SIM1: variants seen among roughly 807,000 people sequenced by gnomAD.
SIM1 encodes SIM bHLH transcription factor 1, also known as single-minded homolog 1.
SIM1 carries 18 observed loss-of-function variants against 78.2 expected under a neutral mutation model. That is an observed-to-expected ratio of 0.23 (90% confidence interval 0.16 to 0.34). SIM1 has a LOEUF of 0.34. Ranked by LOEUF, SIM1 falls within the 10% of genes least tolerant of loss-of-function variation. The pLI, the probability that SIM1 is intolerant of heterozygous loss-of-function variation, is 1.00. For missense variants in SIM1, 939 were observed against 975.1 expected, an observed-to-expected ratio of 0.96 and a Z score of 0.49; for synonymous variants, 417 against 385.2, an observed-to-expected ratio of 1.08 and a Z score of -0.97.
chr6:100,450,511 G>T (rs371679159), intron 3 of SIM1, among the ~76,000 whole-genome samples, 155 bp from the exon 4 acceptor site: 2 of 152,194 alleles, frequency 1.3e-5, no homozygotes, highest in East Asian at 3.8e-4. Flanking sequence ...CTAGCCACAT[G>T]AGCCCTTTTG....
At chr6:100,445,416 G>C (rs992840989) in intron 9 of SIM1, among the ~76,000 whole-genome samples, 2 of 152,096 alleles carry the variant, frequency 1.3e-5, no homozygotes, top group Non-Finnish European at 2.9e-5. Context: ...TGTGCACCAT[G>C]CTCTTTTTCC....
chr6:100,402,654 G>T (rs372126970), intron 10 of SIM1, among the ~76,000 whole-genome samples: 10 of 134,012 alleles, frequency 7.5e-5, no homozygotes, highest in Admixed American at 2.6e-4. Context: ...CTCGGCTCAC[G>T]GCAAGCTCCG....
chr6:100,447,532 G>C, intron 8 of SIM1, 117 bp from the exon 9 acceptor site: 1 of 1,127,240 alleles, frequency 8.9e-7, no homozygotes. Context: ...ACTGCACCAG[G>C]CAGGAGAGAG....
At chr6:100,434,911 C>T (rs1456445289) in intron 9 of SIM1, among the ~76,000 whole-genome samples, 1 of 152,170 alleles carries the variant, frequency 6.6e-6, no homozygotes, top group African/African-American at 2.4e-5. Context: ...GGGAAGGATC[C>T]ATTCACAGGC....
chr6:100,446,393 G>T (rs948508033), intron 9 of SIM1, among the ~76,000 whole-genome samples: 10 of 152,106 alleles, frequency 6.6e-5, no homozygotes, highest in African/African-American at 2.2e-4. Context: ...AAAATCACAA[G>T]AATTTCAACC....
chr6:100,420,679 T>A (rs1771553605), intron 10 of SIM1, 111 bp downstream of exon 10: 6 of 1,014,118 alleles, frequency 5.9e-6, no homozygotes, highest in Non-Finnish European at 8.9e-6. Flanking sequence ...TATAGAAGTT[T>A]TAGTTATTAA....
intron 11 of SIM1, among the ~76,000 whole-genome samples, chr6:100,392,377 G>C (rs1034007967): frequency 3.9e-5 from 6 of 152,214 alleles, no homozygotes; most frequent in African/African-American, 1.4e-4. Flanking sequence ...TAATGCAGCA[G>C]AGAAAGCCTG....
rs151307461 is a variant in SIM1 at position 100,429,174 on chromosome 6, A to G, written c.999-8216T>C. ...ACTTGAGGTCAGGAGTTTGAGACCA[A>G]TTTGGCCAACATGGTGAAACCCCAT... is the stretch of plus-strand genomic sequence containing the variant. On this transcript the variant is annotated intron_variant, in intron 9 of 11. Coordinates refer to ENST00000369208, the MANE Select transcript of SIM1 (RefSeq NM_005068.3). Among the ~76,000 whole-genome samples, 59 of 152,190 alleles carry G rather than the reference A, an allele frequency of 3.9e-4. 1 individual carries two copies. In the East Asian group the frequency reaches 0.011, roughly 28 times the overall value.
intron 9 of SIM1, among the ~76,000 whole-genome samples, chr6:100,440,001 T>C (rs984626266): frequency 2.0e-5 from 3 of 152,026 alleles, no homozygotes; most frequent in Non-Finnish European, 2.9e-5. Flanking sequence ...GAAGAGAAAA[T>C]AAACACCTAA....
intron 10 of SIM1, among the ~76,000 whole-genome samples, chr6:100,411,062 G>A (rs1045318252): frequency 2.6e-5 from 4 of 152,166 alleles, no homozygotes; most frequent in African/African-American, 9.7e-5. Flanking sequence ...AACAAAAAAT[G>A]TATATAAACT....
At chr6:100,407,342 T>A (rs1035995373) in intron 10 of SIM1, among the ~76,000 whole-genome samples, 1 of 152,158 alleles carries the variant, frequency 6.6e-6, no homozygotes, top group African/African-American at 2.4e-5. Flanking sequence ...TAGATACATT[T>A]TTTAATCCAC....
intron 11 of SIM1, among the ~76,000 whole-genome samples, chr6:100,391,295 C>A (rs1770634584): frequency 1.3e-5 from 2 of 152,150 alleles, no homozygotes; most frequent in African/African-American, 4.8e-5. Context: ...CATATAAAAT[C>A]AGTGAATTTT....
chr6:100,419,086 G>A (rs9386139), intron 10 of SIM1, among the ~76,000 whole-genome samples: 37,953 of 151,908 alleles, frequency 0.25, 5,281 homozygotes, highest in East Asian at 0.58. Flanking sequence ...GAATTGTTTG[G>A]ACCCAGGAGG....
intron 9 of SIM1, among the ~76,000 whole-genome samples, chr6:100,445,147 G>C (rs559279802): frequency 6.6e-6 from 1 of 152,258 alleles, no homozygotes; most frequent in East Asian, 1.9e-4. Context: ...CCAGATGTGT[G>C]ATATGCACAT....
chr6:100,460,492 A>G (rs576208073), intron 2 of SIM1, among the ~76,000 whole-genome samples: 2 of 152,370 alleles, frequency 1.3e-5, no homozygotes, highest in South Asian at 4.1e-4. Flanking sequence ...TATACCTTAT[A>G]AAATCCATAT....
intron 2 of SIM1, among the ~76,000 whole-genome samples, chr6:100,454,259 G>T (rs985933796): frequency 6.6e-6 from 1 of 152,172 alleles, no homozygotes; most frequent in Non-Finnish European, 1.5e-5. Context: ...AACACCAAGC[G>T]AAAGCCACTG....
rs371924273 is a variant in SIM1, at chr6:100,390,379, T to G, written c.2283A>C (p.Ile761=). 1.2e-4 allele frequency: 192 copies of G among 1,613,184 alleles called. No homozygotes were observed. The highest frequency in any genetic ancestry group is 1.6e-4 in the Non-Finnish European group (187 of 1,179,680). The change falls in exon 12 of 12, where the codon ATA becomes ATC. Residue 761 remains isoleucine (I), a synonymous_variant. Coordinates refer to ENST00000369208, the MANE Select transcript of SIM1 (RefSeq NM_005068.3). ...CAAAACATCAGCTTCCGTTGGTTAT[T>G]ATAACAGATGTTCCCTTGTGTCCTT... ...PAQGHKGTSV[I]ITNGS
rs1770492007 is a variant in SIM1 at position 100,385,307 on chromosome 6, A to C, written c.*5054T>G. 6.6e-6 allele frequency: 1 copy of C among 152,082 alleles called. No individual in the cohort carries two copies. Among genetic ancestry groups the C allele is most frequent in the South Asian group, 2.1e-4 (1 of 4,832 alleles). 9.4% of individuals were successfully genotyped at this position (152,082 alleles called of 1,614,324 possible). A position where few individuals can be genotyped will look rare whatever the true frequency, so the allele number is the denominator to read the frequency against. ...TCACAAATATAATCCTTTTTATAGC[A>C]CATTAGTCAAAAAACAAATGTAAAA... On this transcript the variant is annotated 3_prime_UTR_variant, in exon 12 of 12. Transcript: ENST00000369208.
chr6:100,463,101 G>C (rs1562066969), intron 2 of SIM1, 193 bp downstream of exon 2: 2 of 533,306 alleles, frequency 3.8e-6, no homozygotes, highest in South Asian at 3.1e-5. Context: ...TGGGGAGGTA[G>C]AGGGAGCCTC....
Sources: allele counts gnomAD v4.1 joint callset (sites outside exome capture counted in the v4.1 genomes callset), GRCh38; gene constraint gnomAD v4.1.1; transcripts MANE v1.5; gene names NCBI Gene and HGNC (gene_info 2026-07-23, HGNC 2026-07-21).